Variants in POLA2 observed in about 807,000 individuals in gnomAD.
The protein encoded by POLA2 is DNA polymerase alpha 2, accessory subunit, also known as DNA polymerase alpha subunit B.
In POLA2, 47 loss-of-function variants were observed where a neutral mutation model predicts 82.8. The ratio of observed to expected loss-of-function variants is 0.57; its 90% CI spans 0.45 to 0.72. POLA2 has a LOEUF of 0.72. Among genes scored for constraint, POLA2 ranks in the 30% least tolerant of loss-of-function variants. The pLI is 0.00. For missense variants in POLA2, 634 were observed against 728.1 expected, an observed-to-expected ratio of 0.87 and a Z score of 1.49; for synonymous variants, 287 against 286.8, an observed-to-expected ratio of 1.00 and a Z score of -0.01.
intron 13 of POLA2, among the ~76,000 whole-genome samples, chr11:65,290,746 A>G (rs1045353829): frequency 2.9e-4 from 44 of 152,346 alleles, no homozygotes; most frequent in African/African-American, 1.0e-3. Flanking sequence ...GTATAAACTA[A>G]TATTCCACGG....
At chr11:65,299,639 A>G (rs115376366), downstream of POLA2, among the ~76,000 whole-genome samples, 1,626 of 152,170 alleles carry the variant, frequency 0.011, 29 homozygotes, top group African/African-American at 0.037. Context: ...GCCCAGCTCA[A>G]CCTGGCCTTG....
At chr11:65,278,375 C>T (rs1949603094) in intron 5 of POLA2, among the ~76,000 whole-genome samples, 1 of 152,162 alleles carries the variant, frequency 6.6e-6, no homozygotes, top group African/African-American at 2.4e-5. Flanking sequence ...GCTAAAAATT[C>T]ATGAGAAGAA....
At chr11:65,278,013 G>C (rs1949599447) in intron 5 of POLA2, among the ~76,000 whole-genome samples, 1 of 152,178 alleles carries the variant, frequency 6.6e-6, no homozygotes, top group Non-Finnish European at 1.5e-5. Flanking sequence ...ATTAAACAAA[G>C]CCTGTTTTAA....
At chr11:65,296,160 C>G (rs553460978) in intron 17 of POLA2, 170 bp downstream of exon 17, 1 of 676,294 alleles carries the variant, frequency 1.5e-6, no homozygotes, top group Admixed American at 2.3e-5. Context: ...AGAAAACAAA[C>G]AACTCTGTCA....
At chr11:65,269,994 G>T (rs1167062255) in intron 4 of POLA2, among the ~76,000 whole-genome samples, 1 of 152,176 alleles carries the variant, frequency 6.6e-6, no homozygotes, top group Non-Finnish European at 1.5e-5. Context: ...ACTACGGCCA[G>T]CTAATTTTTG....
chr11:65,287,623 TA>T, intron 10 of POLA2, 92 bp from the exon 11 acceptor site: 1 of 1,203,552 alleles, frequency 8.3e-7, no homozygotes. Context: ...CTCAATGAGT[TA>T]AATCCTGTGG....
chr11:65,294,046 G>C (rs1438611292), intron 13 of POLA2, 107 bp from the exon 14 acceptor site: 2 of 879,894 alleles, frequency 2.3e-6, no homozygotes, highest in Non-Finnish European at 3.9e-6. Flanking sequence ...TGCCTCCCTC[G>C]GGGTGGGCTC....
At chr11:65,269,278 C>T (rs1382979030) in intron 4 of POLA2, among the ~76,000 whole-genome samples, 4 of 151,868 alleles carry the variant, frequency 2.6e-5, no homozygotes, top group Admixed American at 1.3e-4. Context: ...GTCAGGAGAT[C>T]GAGACCATCC....
chr11:65,264,848 G>A (rs1260934239), intron 1 of POLA2, among the ~76,000 whole-genome samples: 1 of 152,072 alleles, frequency 6.6e-6, no homozygotes, highest in Non-Finnish European at 1.5e-5. Context: ...TTTCCTACTA[G>A]TATAGAAATG....
intron 13 of POLA2, among the ~76,000 whole-genome samples, chr11:65,291,227 G>A (rs1448770951): frequency 6.6e-6 from 1 of 152,196 alleles, no homozygotes. Flanking sequence ...CTGAGGCTAA[G>A]CATTTAAAAA....
At chr11:65,305,798 A>G (rs544823953), downstream of POLA2, among the ~76,000 whole-genome samples, 1 of 152,364 alleles carries the variant, frequency 6.6e-6, no homozygotes, top group Admixed American at 6.5e-5. Flanking sequence ...GCTTTTGTAC[A>G]GATGACTCAC....
intron 3 of POLA2, among the ~76,000 whole-genome samples, chr11:65,268,331 T>C (rs1356957666): frequency 6.6e-6 from 1 of 151,650 alleles, no homozygotes; most frequent in Admixed American, 6.6e-5. Flanking sequence ...CCTTGCCTTA[T>C]ATGAAAGTTT....
chr11:65,263,282 CAA>C (rs1435129958), intron 1 of POLA2, among the ~76,000 whole-genome samples: 1 of 139,536 alleles, frequency 7.2e-6, no homozygotes, highest in African/African-American at 2.8e-5. Flanking sequence ...TGCAGTGGTG[CAA>C]TCTCGGCTCA....
intron 7 of POLA2, chr11:65,280,015 TG>T: frequency 5.6e-6 from 1 of 179,362 alleles, no homozygotes; most frequent in Non-Finnish European, 1.2e-5. Flanking sequence ...GTCTCTCCCC[TG>T]GTTTGGTCTC....
At chr11:65,304,911 C>T (rs1470453584) in intron 8 of POLA2, among the ~76,000 whole-genome samples, 2 of 152,122 alleles carry the variant, frequency 1.3e-5, no homozygotes, top group African/African-American at 2.4e-5. Flanking sequence ...TGTCTATCAC[C>T]ATGTGGTGTG....
rs528344011 is a variant in POLA2, at chr11:65,262,962, C to T, written c.79+591C>T. Among the ~76,000 whole-genome samples, 10 of 152,162 alleles carry T rather than the reference C, an allele frequency of 6.6e-5. No individual in the cohort carries two copies. The South Asian group carries it at 2.1e-3, about 32-fold the overall frequency. On this transcript the variant is annotated intron_variant, in intron 1 of 17. Transcript: ENST00000265465. ...CTGAGCTGTCTGTGAAGCCAGGTGT[C>T]CTGCCTTGGAGTCCCGTGCTGCATC...
Position 65,262,061 on chromosome 11 carries a change from A to G in POLA2, c.-232A>G. On this transcript the variant is annotated 5_prime_UTR_variant, in exon 1 of 18. Coordinates refer to ENST00000265465, the MANE Select transcript of POLA2 (RefSeq NM_002689.4). Reference sequence around the variant, plus strand: ...CTCGAGATTTCTGCTCCCTCCATTCAGGGCGTTTGGGAGCCACCCCTTCAT... The same window carrying G: ...CTCGAGATTTCTGCTCCCTCCATTCGGGGCGTTTGGGAGCCACCCCTTCAT... 1 of 560,908 alleles carries G rather than the reference A, an allele frequency of 1.8e-6. No individual in the cohort carries two copies. Among genetic ancestry groups the G allele is most frequent in the Non-Finnish European group, 3.2e-6 (1 of 316,680 alleles). The allele number at this position is 560,908 out of a possible 1,614,324, so 34.7% of individuals were successfully genotyped here.
At chr11:65,274,877 C>G (rs564532898) in intron 4 of POLA2, among the ~76,000 whole-genome samples, 12 of 152,202 alleles carry the variant, frequency 7.9e-5, no homozygotes, top group African/African-American at 2.2e-4. Flanking sequence ...TTTTCCTCCT[C>G]AGACATGAGG....
chr11:65,280,087 A>G (rs182337041), intron 7 of POLA2: 1 of 154,748 alleles, frequency 6.5e-6, no homozygotes, highest in East Asian at 1.9e-4. Context: ...TGGCATATAT[A>G]CCAGTGCTTT....
Sources: gnomAD v4.1 joint callset for allele counts (sites outside exome capture counted in the v4.1 genomes callset) on GRCh38, gnomAD v4.1.1 for gene constraint, MANE v1.5 for transcripts, NCBI Gene and HGNC (gene_info 2026-07-23, HGNC 2026-07-21) for gene names.